OR13G1: variants seen among roughly 807,000 people sequenced by gnomAD.
OR13G1 encodes olfactory receptor 13G1.
For synonymous variants in OR13G1, 128 were observed against 136.2 expected (o/e 0.94, Z 0.42); for missense variants, 369 against 385.7 (o/e 0.96, Z 0.36).
chr1:247,676,723 C>T (rs1659351795), intron 1 of OR13G1, among the ~76,000 whole-genome samples: 1 of 151,998 alleles, frequency 6.6e-6, no homozygotes, highest in South Asian at 2.1e-4. Flanking sequence ...AAAATACTAA[C>T]CAAAAACATG....
chr1:247,672,362 G>A lies in OR13G1; in HGVS notation c.680C>T (p.Thr227Ile). 1 of 1,613,938 alleles carries A rather than the reference G, an allele frequency of 6.2e-7. No homozygotes were observed. Among genetic ancestry groups the A allele is most frequent in the Non-Finnish European group, 8.5e-7 (1 of 1,179,854 alleles). ...FIIVAILRIR[T>I]VEGKRKAFST... ...GAAGGCCTTCCTCTTGCCTTCTACT[G>A]TGCGGATACGGAGAATAGCAACAAT... Residue 227 changes from threonine to isoleucine, a missense_variant, in exon 2 of 2, where the codon ACA becomes ATA. Transcript: ENST00000642119.
chr1:247,678,945 T>G (rs1212506801), intron 1 of OR13G1, among the ~76,000 whole-genome samples: 1 of 152,206 alleles, frequency 6.6e-6, no homozygotes, highest in African/African-American at 2.4e-5. Context: ...GCAATTCCTG[T>G]CTGAAAGCAT....
Position 247,670,862 on chromosome 1 carries a change from A to G in OR13G1, c.*1256T>C, listed in dbSNP as rs925191783. The G allele has an allele frequency of 1.3e-5, 2 of 152,078 alleles. No homozygotes were observed. Among genetic ancestry groups the G allele is most frequent in the African/African-American group, 4.8e-5 (2 of 41,432 alleles). The allele number at this position is 152,078 out of a possible 1,614,324, so 9.4% of individuals were successfully genotyped here. A position where few individuals can be genotyped will look rare whatever the true frequency, so the allele number is the denominator to read the frequency against. ...TAAGACAAAATTCCAACATGTTTTC[A>G]TAATTGTGGAAATATATTGTAAAAA... On this transcript the variant is annotated 3_prime_UTR_variant, in exon 2 of 2. Coordinates refer to ENST00000642119, the MANE Select transcript of OR13G1 (RefSeq NM_001005487.2).
rs777124760 is a variant in OR13G1, at chr1:247,672,098, G to A, written c.*20C>T. ...GAAGATGGTTCTGGAGTACAGAAGT[G>A]ATGTTGCATGTTGAAACTACTAGTG... is the stretch of plus-strand genomic sequence containing the variant. On this transcript the variant is annotated 3_prime_UTR_variant, in exon 2 of 2. Transcript: ENST00000642119. The A allele has an allele frequency of 2.5e-6, 4 of 1,585,570 alleles. No homozygotes were observed. The African/African-American group carries it at 4.0e-5, about 16-fold the overall frequency.
Position 247,672,464 on chromosome 1 carries a change from T to G in OR13G1, c.578A>C (p.Glu193Ala). The change falls in exon 2 of 2, where the codon GAG becomes GCG. Residue 193 changes from glutamate to alanine, a missense_variant. Coordinates refer to ENST00000642119, the MANE Select transcript of OR13G1 (RefSeq NM_001005487.2). ...AATATCAGCAACATACACCATCACC[T>G]CATTGATTCTTACAGGGCTACAGGA... ...ALSCSPVRIN[E>A]VMVYVADITL... 1 of 1,614,074 alleles carries G rather than the reference T, an allele frequency of 6.2e-7. No homozygotes were observed. The highest frequency in any genetic ancestry group is 1.1e-5 in the South Asian group (1 of 91,076).
At position 247,676,545 on chromosome 1, in the gene OR13G1, T is replaced by A. The variant is rs148115313; in HGVS notation, c.-239+3095A>T. 1.1e-4 allele frequency among the ~76,000 whole-genome samples: 17 copies of A among 152,254 alleles called. No individual in the cohort carries two copies. The East Asian group carries it at 3.3e-3, about 29-fold the overall frequency. On this transcript the variant is annotated intron_variant, in intron 1 of 1. Coordinates refer to ENST00000642119, the MANE Select transcript of OR13G1 (RefSeq NM_001005487.2). ...TATGCTAATCATTATGCTATTAGAT[T>A]ATGACGATGTAGAAAATGTAATATA... is the stretch of plus-strand genomic sequence containing the variant.
rs190887580 is a variant in OR13G1, at chr1:247,671,025, T to C, written c.*1093A>G. 1 of 152,264 alleles carries C rather than the reference T, an allele frequency of 6.6e-6. No individual in the cohort carries two copies. The highest frequency in any genetic ancestry group is 2.4e-5 in the African/African-American group (1 of 41,560). The allele number at this position is 152,264 out of a possible 1,614,324, so 9.4% of individuals were successfully genotyped here. On this transcript the variant is annotated 3_prime_UTR_variant, in exon 2 of 2. Coordinates refer to ENST00000642119, the MANE Select transcript of OR13G1 (RefSeq NM_001005487.2). ...ACCTAACTTTATTTCATGATTTAGTTTGTGACTTCAAATCTGCATTTATGA... is the reference window on the plus strand; with the variant it reads ...ACCTAACTTTATTTCATGATTTAGTCTGTGACTTCAAATCTGCATTTATGA...
At chr1:247,674,051 T>C (rs1343564433) in intron 1 of OR13G1, among the ~76,000 whole-genome samples, 4 of 152,178 alleles carry the variant, frequency 2.6e-5, no homozygotes, top group Non-Finnish European at 5.9e-5. Context: ...TTACTTTCTT[T>C]TCTAAAAAAG....
chr1:247,678,190 ACAGT>A (rs1312014454), intron 1 of OR13G1, among the ~76,000 whole-genome samples: 2 of 152,242 alleles, frequency 1.3e-5, no homozygotes, highest in Admixed American at 6.5e-5. Flanking sequence ...TTATTGTCAC[ACAGT>A]CAGACACTGG....
chr1:247,674,317 A>T (rs1016325058), intron 1 of OR13G1, among the ~76,000 whole-genome samples: 14 of 152,226 alleles, frequency 9.2e-5, no homozygotes, highest in African/African-American at 3.1e-4. Flanking sequence ...TCATAAATTT[A>T]TGTTTATCAA....
In OR13G1 at chr1:247,673,222, C is replaced by T. The variant is rs1012757534; in HGVS notation, c.-181G>A. On this transcript the variant is annotated 5_prime_UTR_variant, in exon 2 of 2. Transcript: ENST00000642119. ...GGAGTTCTGTATTCCAGGCAATATACTCTGTTTTCCAGACTAATCCCATTC... is the reference window on the plus strand; with the variant it reads ...GGAGTTCTGTATTCCAGGCAATATATTCTGTTTTCCAGACTAATCCCATTC... 2 of 575,278 alleles carry T rather than the reference C, an allele frequency of 3.5e-6. No individual in the cohort carries two copies. The highest frequency in any genetic ancestry group is 6.1e-6 in the Non-Finnish European group (2 of 327,750). The allele number at this position is 575,278 out of a possible 1,614,324, so 35.6% of individuals were successfully genotyped here.
intron 1 of OR13G1, among the ~76,000 whole-genome samples, chr1:247,677,433 G>A (rs1008188645): frequency 3.3e-5 from 5 of 152,104 alleles, no homozygotes; most frequent in Non-Finnish European, 5.9e-5. Flanking sequence ...GAATTCAGAG[G>A]GAGACAGTAT....
In OR13G1 at chr1:247,672,268, G is replaced by T; in HGVS notation, c.774C>A (p.Arg258=). ...YYSPVIYTYI[R]PASSYTFERD... The stretch of plus-strand genomic sequence containing the variant: ...TTTCAAATGTATAGCTGGAAGCAGG[G>T]CGGATATAGGTGTAGATTACAGGAG... Residue 258 remains arginine, a synonymous_variant, in exon 2 of 2, where the codon CGC becomes CGA. Transcript: ENST00000642119. The T allele has an allele frequency of 6.2e-7, 1 of 1,614,120 alleles. No individual in the cohort carries two copies. The highest frequency in any genetic ancestry group is 8.5e-7 in the Non-Finnish European group (1 of 1,179,996).
chr1:247,672,847 A>G lies in OR13G1; in HGVS notation c.195T>C (p.Val65=). ...PMYVFLLTLA[V]VDIICTTSII... ...TGCTTGTTGTGCAGATGATGTCCAC[A>G]ACAGCCAGTGTCAGAAGGAAAACAT... Residue 65 remains valine, a synonymous_variant, in exon 2 of 2, where the codon GTT becomes GTC. Transcript: ENST00000642119. 1 of 1,614,054 alleles carries G rather than the reference A, an allele frequency of 6.2e-7. No homozygotes were observed. The highest frequency in any genetic ancestry group is 8.5e-7 in the Non-Finnish European group (1 of 1,179,986).
chr1:247,678,273 G>A (rs1659391698), intron 1 of OR13G1, among the ~76,000 whole-genome samples: 1 of 152,166 alleles, frequency 6.6e-6, no homozygotes, highest in Non-Finnish European at 1.5e-5. Context: ...ATAAGCCAAT[G>A]TTATACCTAT....
In OR13G1 at chr1:247,673,187, C is replaced by T. The variant is rs1478338436; in HGVS notation, c.-146G>A. The T allele has an allele frequency of 1.6e-6, 1 of 635,336 alleles. No individual in the cohort carries two copies. Among genetic ancestry groups the T allele is most frequent in the Admixed American group, 3.0e-5 (1 of 33,356 alleles). 39.4% of individuals were successfully genotyped at this position (635,336 alleles called of 1,614,324 possible). ...TGGACACAACTTTGCAGCAGGAATT[C>T]CCATTTGATGGAGTTCTGTATTCCA... On this transcript the variant is annotated 5_prime_UTR_variant, in exon 2 of 2. Transcript: ENST00000642119.
Position 247,673,175 on chromosome 1 carries a change from G to A in OR13G1, c.-134C>T, listed in dbSNP as rs920400378. 3.0e-6 allele frequency: 2 copies of A among 668,468 alleles called. No individual in the cohort carries two copies. Among genetic ancestry groups the A allele is most frequent in the Non-Finnish European group, 5.0e-6 (2 of 396,188 alleles). The allele number at this position is 668,468 out of a possible 1,614,324, so 41.4% of individuals were successfully genotyped here. A position where few individuals can be genotyped will look rare whatever the true frequency, so the allele number is the denominator to read the frequency against. On this transcript the variant is annotated 5_prime_UTR_variant, in exon 2 of 2. Transcript: ENST00000642119. ...TTAATTCTTGATTGGACACAACTTT[G>A]CAGCAGGAATTCCCATTTGATGGAG...
In OR13G1 at chr1:247,672,203, GGAGTCACAA is replaced by G. The variant is rs754581216; in HGVS notation, c.830_838del (p.Leu277_Thr279del). 1.2e-6 allele frequency: 2 copies of G among 1,613,988 alleles called. No homozygotes were observed. The highest frequency in any genetic ancestry group is 1.7e-6 in the Non-Finnish European group (2 of 1,179,972). ...GCTGTACACCATCGGGTTTAATGTG[GGAGTCACAA>G]GAGTATAGAGTGCAGCTACCACCTT... On this transcript the variant is annotated inframe_deletion, in exon 2 of 2. Transcript: ENST00000642119.
intron 1 of OR13G1, among the ~76,000 whole-genome samples, chr1:247,676,927 A>G (rs2103159032): frequency 6.6e-6 from 1 of 152,240 alleles, no homozygotes; most frequent in Admixed American, 6.5e-5. Context: ...GGTTTTGAGG[A>G]GTGCGATTGG....
Sources: gnomAD v4.1 joint callset for allele counts (sites outside exome capture counted in the v4.1 genomes callset) on GRCh38, gnomAD v4.1.1 for gene constraint, MANE v1.5 for transcripts, NCBI Gene and HGNC (gene_info 2026-07-23, HGNC 2026-07-21) for gene names.